PALS2: variants seen among roughly 807,000 people sequenced by gnomAD.
The protein encoded by PALS2 is protein PALS2.
PALS2 carries 27 observed loss-of-function variants against 61.6 expected under a neutral mutation model. The observed-to-expected ratio is 0.44, with a 90% confidence interval of 0.32 to 0.60. PALS2 has a LOEUF of 0.60. Ranked by LOEUF, PALS2 falls within the 20% of genes least tolerant of loss-of-function variation. The pLI, the probability that PALS2 is intolerant of heterozygous loss-of-function variation, is 0.05. For missense variants in PALS2, 554 were observed against 639.4 expected, an observed-to-expected ratio of 0.87 and a Z score of 1.44; for synonymous variants, 236 against 218.6, an observed-to-expected ratio of 1.08 and a Z score of -0.70.
Position 24,649,645 on chromosome 7 carries a change from A to G in PALS2, c.304A>G (p.Lys102Glu), listed in dbSNP as rs890140413. The G allele has an allele frequency of 1.2e-6, 2 of 1,610,568 alleles. No individual in the cohort carries two copies. Among genetic ancestry groups the G allele is most frequent in the Admixed American group, 1.7e-5 (1 of 59,558 alleles). ...GGAGGCCCATGATATTGTGGCATCA[A>G]AGTGTTATGATTCACCTCCATCAAG... ...LLEAHDIVAS[K>E]CYDSPPSSPE... Residue 102 changes from lysine (K) to glutamate (E), a missense_variant, in exon 4 of 12, where the codon AAG (lysine) becomes GAG (glutamate). Transcript: ENST00000222644.
chr7:24,592,918 C>T (rs1783354016), intron 1 of PALS2, among the ~76,000 whole-genome samples: 1 of 151,980 alleles, frequency 6.6e-6, no homozygotes, highest in South Asian at 2.1e-4. Flanking sequence ...GTTGGAGTGG[C>T]TGTGGTAATT....
intron 2 of PALS2, among the ~76,000 whole-genome samples, chr7:24,640,441 T>C (rs892869233): frequency 6.6e-6 from 1 of 152,198 alleles, no homozygotes; most frequent in Non-Finnish European, 1.5e-5. Context: ...TATGATAGTT[T>C]AGGTATCTGA....
chr7:24,635,247 A>C (rs1366978564), intron 2 of PALS2, among the ~76,000 whole-genome samples: 1 of 152,180 alleles, frequency 6.6e-6, no homozygotes, highest in Non-Finnish European at 1.5e-5. Flanking sequence ...TATAATTTTC[A>C]GAGTATAAAT....
intron 1 of PALS2, among the ~76,000 whole-genome samples, chr7:24,581,547 AC>A (rs1407238642): frequency 2.6e-5 from 4 of 152,176 alleles, no homozygotes; most frequent in Admixed American, 2.0e-4. Flanking sequence ...CATCTTCATC[AC>A]TTTCTAAGTC....
Position 24,688,377 on chromosome 7 carries a change from G to C in PALS2, c.*763G>C, listed in dbSNP as rs1788311029. On this transcript the variant is annotated 3_prime_UTR_variant, in exon 12 of 12. Coordinates refer to ENST00000222644, the MANE Select transcript of PALS2 (RefSeq NM_001303037.2). ...AGTAAGCTCTGGGGCTGGAAGCAAG[G>C]TCATGCAGACTGAGAGAGTGCCTTA... is the stretch of plus-strand genomic sequence containing the variant. 1 of 152,206 alleles carries C rather than the reference G, an allele frequency of 6.6e-6. No homozygotes were observed. The highest frequency in any genetic ancestry group is 1.5e-5 in the Non-Finnish European group (1 of 68,028). The allele number at this position is 152,206 out of a possible 1,614,324, so 9.4% of individuals were successfully genotyped here.
At chr7:24,664,169 C>T (rs775092287) in intron 6 of PALS2, among the ~76,000 whole-genome samples, 4 of 152,124 alleles carry the variant, frequency 2.6e-5, no homozygotes, top group Non-Finnish European at 4.4e-5. Context: ...GTCTTAATGT[C>T]TATTTGCTCC....
chr7:24,694,008 A>G lies in PALS2; in HGVS notation c.*6394A>G, dbSNP rs1788593506. ...CTGTAGAAGAGAATCTTTAAAAAAA[A>G]AAATGGAGGGCAGAATGCTTGTTAG... On this transcript the variant is annotated 3_prime_UTR_variant, in exon 12 of 12. Coordinates refer to ENST00000222644, the MANE Select transcript of PALS2 (RefSeq NM_001303037.2). 1 of 152,208 alleles carries G rather than the reference A, an allele frequency of 6.6e-6. No individual in the cohort carries two copies. The highest frequency in any genetic ancestry group is 1.5e-5 in the Non-Finnish European group (1 of 68,026). The allele number at this position is 152,208 out of a possible 1,614,324, so 9.4% of individuals were successfully genotyped here.
At chr7:24,625,792 C>G (rs1424609599) in intron 2 of PALS2, among the ~76,000 whole-genome samples, 1 of 151,938 alleles carries the variant, frequency 6.6e-6, no homozygotes, top group Non-Finnish European at 1.5e-5. Flanking sequence ...AAAGAGTTAT[C>G]CAATAATATG....
At chr7:24,614,646 T>C (rs983022411) in intron 1 of PALS2, among the ~76,000 whole-genome samples, 1 of 151,926 alleles carries the variant, frequency 6.6e-6, no homozygotes, top group Non-Finnish European at 1.5e-5. Context: ...AGTTGGAAAC[T>C]TCAGCATCCC....
intron 2 of PALS2, among the ~76,000 whole-genome samples, chr7:24,632,358 A>G (rs541099192): frequency 1.3e-5 from 2 of 152,182 alleles, no homozygotes; most frequent in Non-Finnish European, 2.9e-5. Context: ...AGTTTCTGGT[A>G]GACAACATGT....
chr7:24,635,895 C>G (rs937651089), intron 2 of PALS2, among the ~76,000 whole-genome samples: 1 of 152,020 alleles, frequency 6.6e-6, no homozygotes, highest in Non-Finnish European at 1.5e-5. Context: ...CACACACACA[C>G]CTTTTTAGGA....
rs181957004 is a variant in PALS2 at position 24,663,106 on chromosome 7, G to T, written c.652-484G>T. 4.1e-3 allele frequency among the ~76,000 whole-genome samples: 626 copies of T among 152,212 alleles called. 4 individuals are homozygous for T. Among genetic ancestry groups the T allele is most frequent in the African/African-American group, 0.014 (581 of 41,534 alleles). ...CAAGATGATTAAAAAAGTATTTAAG[G>T]CTACCAAATATATTTCATATCTGAC... On this transcript the variant is annotated intron_variant, in intron 5 of 11. Coordinates refer to ENST00000222644, the MANE Select transcript of PALS2 (RefSeq NM_001303037.2).
chr7:24,591,067 A>G (rs1049022830), intron 1 of PALS2, among the ~76,000 whole-genome samples: 1 of 151,678 alleles, frequency 6.6e-6, no homozygotes, highest in African/African-American at 2.4e-5. Flanking sequence ...GTGCTGTTTT[A>G]TTCTTTTTTA....
At position 24,624,101 on chromosome 7, in the gene PALS2, C is replaced by G. The variant is rs545560872; in HGVS notation, c.117+317C>G. 1.7e-4 allele frequency: 222 copies of G among 1,319,564 alleles called. No individual in the cohort carries two copies. In the African/African-American group the frequency reaches 3.0e-3, roughly 18 times the overall value. The allele number at this position is 1,319,564 out of a possible 1,614,324, so 81.7% of individuals were successfully genotyped here. A position where few individuals can be genotyped will look rare whatever the true frequency, so the allele number is the denominator to read the frequency against. ...ATCCTGATCCTATTTCCATTTTCAACAATGGCAAAGTACTGATTTTCTTCT... is the reference window on the plus strand; with the variant it reads ...ATCCTGATCCTATTTCCATTTTCAAGAATGGCAAAGTACTGATTTTCTTCT... On this transcript the variant is annotated intron_variant, in intron 2 of 11. Coordinates refer to ENST00000222644, the MANE Select transcript of PALS2 (RefSeq NM_001303037.2).
At chr7:24,676,994 C>G (rs1787646516) in intron 9 of PALS2, among the ~76,000 whole-genome samples, 2 of 151,360 alleles carry the variant, frequency 1.3e-5, no homozygotes, top group Admixed American at 6.5e-5. Context: ...GATATTGATT[C>G]TTCCTACCCA....
In PALS2 at chr7:24,692,746, A is replaced by G. The variant is rs1788531349; in HGVS notation, c.*5132A>G. The stretch of plus-strand genomic sequence containing the variant: ...AAATCAAACAAAATGTAAGCAAGCA[A>G]TCCAGTACTCGGTTACACCAGAAGA... On this transcript the variant is annotated 3_prime_UTR_variant, in exon 12 of 12. Coordinates refer to ENST00000222644, the MANE Select transcript of PALS2 (RefSeq NM_001303037.2). The G allele has an allele frequency of 6.6e-6, 1 of 152,158 alleles. No homozygotes were observed. Among genetic ancestry groups the G allele is most frequent in the Non-Finnish European group, 1.5e-5 (1 of 68,028 alleles). 9.4% of individuals were successfully genotyped at this position (152,158 alleles called of 1,614,324 possible).
chr7:24,675,249 T>C (rs1787503076), intron 9 of PALS2, among the ~76,000 whole-genome samples: 1 of 152,190 alleles, frequency 6.6e-6, no homozygotes, highest in African/African-American at 2.4e-5. Flanking sequence ...ATGGTTTCAC[T>C]GTAGGACTTC....
intron 5 of PALS2, among the ~76,000 whole-genome samples, chr7:24,660,090 C>G (rs553867343): frequency 6.6e-6 from 1 of 152,172 alleles, no homozygotes; most frequent in South Asian, 2.1e-4. Flanking sequence ...TGCCTGATCT[C>G]GGACATCTTG....
intron 2 of PALS2, among the ~76,000 whole-genome samples, chr7:24,628,268 C>G (rs1483767848): frequency 1.3e-5 from 2 of 152,178 alleles, no homozygotes; most frequent in Admixed American, 1.3e-4. Flanking sequence ...ATGAAAATCA[C>G]ATGATTATCT....
Sources: gnomAD v4.1 joint callset for allele counts (sites outside exome capture counted in the v4.1 genomes callset) on GRCh38, gnomAD v4.1.1 for gene constraint, MANE v1.5 for transcripts, NCBI Gene and HGNC (gene_info 2026-07-23, HGNC 2026-07-21) for gene names.